Variants in PAN3 observed in about 807,000 individuals in gnomAD.
The protein encoded by PAN3 is PAN2-PAN3 deadenylation complex subunit PAN3.
PAN3 carries 19 observed loss-of-function variants against 96.2 expected under a neutral mutation model. The ratio of observed to expected loss-of-function variants is 0.20; its 90% CI spans 0.14 to 0.29. PAN3 has a LOEUF of 0.29. Ranked by LOEUF, PAN3 falls within the 10% of genes least tolerant of loss-of-function variation. The probability of loss-of-function intolerance (pLI) is 1.00; values close to 1 mark genes in which losing one functional copy is unlikely to be tolerated. For synonymous variants in PAN3, 433 were observed against 406.6 expected, an observed-to-expected ratio of 1.06 and a Z score of -0.78; for missense variants, 882 against 1,108.1, an observed-to-expected ratio of 0.80 and a Z score of 2.90.
intron 5 of PAN3, among the ~76,000 whole-genome samples, chr13:28,210,873 T>C (rs1879944088): frequency 6.6e-6 from 1 of 152,010 alleles, no homozygotes; most frequent in Non-Finnish European, 1.5e-5. Context: ...TAAAATTAGG[T>C]CTGAATTGGG....
rs1422645027 is a variant in PAN3 at position 28,294,700 on chromosome 13, A to G, written c.*2178A>G. ...CAAGAATGTTTGCATCCTAAATGCT[A>G]GTTTGCTTCAGCCCCTAGTTAACCT... On this transcript the variant is annotated 3_prime_UTR_variant, in exon 19 of 19. Coordinates refer to ENST00000380958, the MANE Select transcript of PAN3 (RefSeq NM_175854.8). The G allele has an allele frequency of 6.6e-6, 1 of 152,658 alleles. No individual in the cohort carries two copies. Among genetic ancestry groups the G allele is most frequent in the Non-Finnish European group, 1.5e-5 (1 of 68,050 alleles). 9.5% of individuals were successfully genotyped at this position (152,658 alleles called of 1,614,324 possible).
chr13:28,291,357 T>G (rs1431252220), intron 18 of PAN3, among the ~76,000 whole-genome samples: 1 of 152,184 alleles, frequency 6.6e-6, no homozygotes, highest in African/African-American at 2.4e-5. Flanking sequence ...TACAAAGACC[T>G]CACTAAAATA....
At chr13:28,281,287 A>G (rs991829256) in intron 16 of PAN3, 28 bp from the exon 17 acceptor site, 2 of 1,586,722 alleles carry the variant, frequency 1.3e-6, no homozygotes, top group Non-Finnish European at 1.7e-6. Context: ...GAACATTAAC[A>G]TTTTTCTCTT....
At chr13:28,278,098 G>T (rs1359612006) in intron 15 of PAN3, among the ~76,000 whole-genome samples, 4 of 152,250 alleles carry the variant, frequency 2.6e-5, no homozygotes, top group African/African-American at 9.6e-5. Flanking sequence ...TAGAGAAGAG[G>T]TGCTAATCAA....
At chr13:28,208,524 T>G (rs1879643146) in intron 5 of PAN3, among the ~76,000 whole-genome samples, 1 of 152,148 alleles carries the variant, frequency 6.6e-6, no homozygotes, top group Non-Finnish European at 1.5e-5. Flanking sequence ...TATAAGTGTT[T>G]CAGATTTTTT....
intron 6 of PAN3, among the ~76,000 whole-genome samples, chr13:28,243,775 G>A (rs1279111739): frequency 2.6e-5 from 4 of 151,982 alleles, no homozygotes; most frequent in East Asian, 1.9e-4. Context: ...TGTGAAGCCC[G>A]CCTCCCAGAT....
chr13:28,270,586 T>C, intron 12 of PAN3, 115 bp from the exon 13 acceptor site: 3 of 1,054,968 alleles, frequency 2.8e-6, no homozygotes, highest in Non-Finnish European at 4.1e-6. Context: ...CATATATAAA[T>C]TGACATGTTG....
At chr13:28,206,005 A>G (rs1429810972) in intron 5 of PAN3, among the ~76,000 whole-genome samples, 7 of 152,026 alleles carry the variant, frequency 4.6e-5, no homozygotes. Flanking sequence ...TTTTTCCAGC[A>G]ACTTATTCCT....
intron 14 of PAN3, among the ~76,000 whole-genome samples, chr13:28,272,603 C>G (rs1886721251): frequency 6.7e-6 from 1 of 149,050 alleles, no homozygotes. Flanking sequence ...GAGTTTCACT[C>G]TTGTTGCCCA....
At chr13:28,283,421 G>T (rs1054843294) in intron 17 of PAN3, among the ~76,000 whole-genome samples, 1 of 152,118 alleles carries the variant, frequency 6.6e-6, no homozygotes, top group South Asian at 2.1e-4. Context: ...GGAAAAGTTT[G>T]CAGTGAAAAC....
At position 28,256,335 on chromosome 13, in the gene PAN3, G is replaced by T. The variant is rs760478548; in HGVS notation, c.1044G>T (p.Lys348Asn). Residue 348 changes from lysine (K) to asparagine (N), a missense_variant, in exon 7 of 19, where the codon AAG becomes AAT. Physicochemically the swap from Lys to Asn is moderately conservative, Grantham distance 94. This residue lies in a region of PAN3 where 364 missense variants were observed against 513.6 expected (regional missense o/e 0.71). Coordinates refer to ENST00000380958, the MANE Select transcript of PAN3 (RefSeq NM_175854.8). ...SAGSSPLHSP[K>N]ITPHTSPAPR... ...GGTCTTCCCCTCTTCATTCCCCCAAGATTACTCCACATACTTCTCCTGCTC... is the reference window on the plus strand; with the variant it reads ...GGTCTTCCCCTCTTCATTCCCCCAATATTACTCCACATACTTCTCCTGCTC... The T allele has an allele frequency of 3.8e-5, 61 of 1,613,626 alleles. No homozygotes were observed. The highest frequency in any genetic ancestry group is 1.4e-4 in the South Asian group (13 of 91,076).
At chr13:28,275,752 C>T (rs1015024099) in intron 14 of PAN3, among the ~76,000 whole-genome samples, 3 of 152,156 alleles carry the variant, frequency 2.0e-5, no homozygotes, top group Non-Finnish European at 4.4e-5. Context: ...CCCATGCCAG[C>T]TTCCCTCCTG....
chr13:28,275,918 G>A (rs921078045), intron 14 of PAN3, among the ~76,000 whole-genome samples: 3 of 152,072 alleles, frequency 2.0e-5, no homozygotes, highest in Admixed American at 1.3e-4. Context: ...TGCTAGTTTT[G>A]GATAAATTTT....
chr13:28,174,361 A>T lies in PAN3; in HGVS notation c.520A>T (p.Ser174Cys). 1 of 1,613,404 alleles carries T rather than the reference A, an allele frequency of 6.2e-7. No individual in the cohort carries two copies. Among genetic ancestry groups the T allele is most frequent in the East Asian group, 2.2e-5 (1 of 44,820 alleles). The change falls in exon 2 of 19, where the codon AGC (serine) becomes TGC (cysteine). Residue 174 changes from serine (S) to cysteine (C), a missense_variant. By Grantham distance (112) the Ser-to-Cys change is moderately radical (BLOSUM62 -1). Transcript: ENST00000380958. ...CTTTATTGGAGTCAATGGATTTGGA[A>T]GCCCTGTAGAAACAAAATATCCCCT... ...TSFIGVNGFGSPVETKYPLMQ... is the reference protein window; with the variant it reads ...TSFIGVNGFGCPVETKYPLMQ...
chr13:28,288,728 A>G (rs1421845347), intron 18 of PAN3, among the ~76,000 whole-genome samples: 3 of 152,226 alleles, frequency 2.0e-5, no homozygotes, highest in African/African-American at 7.2e-5. Flanking sequence ...GTGAATGGTA[A>G]AAAGCAAAAA....
intron 1 of PAN3, among the ~76,000 whole-genome samples, chr13:28,139,551 T>TGTGTG (rs60579592): frequency 2.3e-5 from 2 of 86,998 alleles, no homozygotes; most frequent in Non-Finnish European, 4.9e-5. Flanking sequence ...TGTGTGTGTG[T>TGTGTG]AGGGGGCGGG....
At chr13:28,242,564 A>G (rs1883775122) in intron 6 of PAN3, among the ~76,000 whole-genome samples, 1 of 152,198 alleles carries the variant, frequency 6.6e-6, no homozygotes, top group Admixed American at 6.5e-5. Flanking sequence ...GTGTCAAGAA[A>G]ATCTTCATCA....
At chr13:28,286,690 C>T (rs908323921) in intron 17 of PAN3, among the ~76,000 whole-genome samples, 2 of 152,084 alleles carry the variant, frequency 1.3e-5, no homozygotes, top group Non-Finnish European at 2.9e-5. Flanking sequence ...TTTTCTGATC[C>T]CTTTGTCCTT....
intron 6 of PAN3, among the ~76,000 whole-genome samples, chr13:28,223,417 A>C (rs1446490856): frequency 6.6e-6 from 1 of 152,192 alleles, no homozygotes; most frequent in Non-Finnish European, 1.5e-5. Context: ...TACTAAAGAT[A>C]TGGCACTTGG....
Sources: allele counts gnomAD v4.1 joint callset (sites outside exome capture counted in the v4.1 genomes callset), GRCh38; gene constraint gnomAD v4.1.1; regional missense constraint gnomAD v4.1.1; transcripts MANE v1.5; gene names NCBI Gene and HGNC (gene_info 2026-07-23, HGNC 2026-07-21).